GREB1L: variants seen among roughly 807,000 people sequenced by gnomAD.
The protein encoded by GREB1L is GREB1 like retinoic acid receptor coactivator.
Under a neutral mutation model 200.8 loss-of-function variants are expected in GREB1L, and 17 were observed. That is an observed-to-expected ratio of 0.08 (90% CI 0.06 to 0.13). The LOEUF is 0.13. Ranked by LOEUF, GREB1L falls within the 10% of genes least tolerant of loss-of-function variation. GREB1L has a pLI of 1.00. For synonymous variants in GREB1L, 789 were observed against 893.0 expected (o/e 0.88, Z 2.08); for missense variants, 1,657 against 2,367.7 (o/e 0.70, Z 6.23).
intron 1 of GREB1L, among the ~76,000 whole-genome samples, chr18:21,322,839 C>T (rs2038970518): frequency 6.6e-6 from 1 of 151,824 alleles, no homozygotes; most frequent in African/African-American, 2.4e-5. Flanking sequence ...AAAATTAGGC[C>T]CATATTCCAC....
intron 1 of GREB1L, among the ~76,000 whole-genome samples, chr18:21,300,445 ATT>A (rs886128703): frequency 1.2e-4 from 19 of 152,182 alleles, no homozygotes; most frequent in African/African-American, 4.6e-4. Context: ...TTATGCTTCT[ATT>A]TTCTTTTGCT....
intron 7 of GREB1L, among the ~76,000 whole-genome samples, chr18:21,436,672 GT>G (rs1568009597): frequency 4.4e-4 from 23 of 52,234 alleles, no homozygotes; most frequent in African/African-American, 1.0e-3. Flanking sequence ...GTTCAGTGGT[GT>G]GTGTGTGTGT....
chr18:21,499,284 G>A (rs1336508536), intron 21 of GREB1L, among the ~76,000 whole-genome samples: 1 of 152,204 alleles, frequency 6.6e-6, no homozygotes, highest in East Asian at 1.9e-4. Flanking sequence ...CATTTGAGGA[G>A]CGTTTAGTAG....
At chr18:21,454,867 G>A in intron 15 of GREB1L, 1 of 389,164 alleles carries the variant, frequency 2.6e-6, no homozygotes, top group Non-Finnish European at 4.9e-6. Flanking sequence ...TCAAGGCGAG[G>A]ATGGCCCTGC....
chr18:21,393,703 A>G (rs1460397591), intron 4 of GREB1L, among the ~76,000 whole-genome samples: 1 of 152,140 alleles, frequency 6.6e-6, no homozygotes, highest in African/African-American at 2.4e-5. Flanking sequence ...TGCTGAGATT[A>G]CAGGTGCGGG....
chr18:21,305,451 C>G (rs1252958260), intron 1 of GREB1L, among the ~76,000 whole-genome samples: 3 of 152,118 alleles, frequency 2.0e-5, no homozygotes, highest in African/African-American at 7.2e-5. Flanking sequence ...TCTACCTGCT[C>G]TTTTTATTTT....
chr18:21,499,784 G>A lies in GREB1L; in HGVS notation c.3447G>A (p.Lys1149=), dbSNP rs1179372765. Residue 1149 remains lysine, a synonymous_variant, in exon 22 of 33, where the codon AAG becomes AAA. Coordinates refer to ENST00000424526, the MANE Select transcript of GREB1L (RefSeq NM_001142966.3). The part of the protein sequence containing the change: ...SSSSTADKSQ[K]QSLTPSFQSP... ...CCAGCACAGCTGACAAGTCCCAGAA[G>A]CAGTCCCTGACCCCCAGCTTTCAGA... is the stretch of plus-strand genomic sequence containing the variant. 5 of 1,552,072 alleles carry A rather than the reference G, an allele frequency of 3.2e-6. No individual in the cohort carries two copies. Among genetic ancestry groups the A allele is most frequent in the Non-Finnish European group, 4.4e-6 (5 of 1,147,064 alleles).
chr18:21,404,145 G>C (rs1410434485), intron 7 of GREB1L, among the ~76,000 whole-genome samples, 151 bp downstream of exon 7: 1 of 152,206 alleles, frequency 6.6e-6, no homozygotes, highest in African/African-American at 2.4e-5. Flanking sequence ...ATTCAGCCTT[G>C]AGATGGGTTA....
At chr18:21,392,676 A>C (rs989849515) in intron 4 of GREB1L, among the ~76,000 whole-genome samples, 11 of 152,080 alleles carry the variant, frequency 7.2e-5, no homozygotes, top group African/African-American at 2.7e-4. Context: ...CAATTCTATT[A>C]GGCTTGTTTT....
intron 15 of GREB1L, among the ~76,000 whole-genome samples, chr18:21,464,516 C>T (rs1165935157): frequency 6.9e-6 from 1 of 145,040 alleles, no homozygotes; most frequent in Non-Finnish European, 1.5e-5. Flanking sequence ...TGCACTCTAG[C>T]CTGGGGACAG....
chr18:21,416,693 C>CA (rs1366578660), intron 7 of GREB1L, among the ~76,000 whole-genome samples: 11,724 of 114,666 alleles, frequency 0.1, 658 homozygotes, highest in Middle Eastern at 0.19. Context: ...AACTCCATCT[C>CA]AAAAAAAAAA....
At chr18:21,325,373 G>C (rs376182585) in intron 1 of GREB1L, among the ~76,000 whole-genome samples, 194 of 152,140 alleles carry the variant, frequency 1.3e-3, no homozygotes, top group African/African-American at 4.6e-3. Flanking sequence ...ATTTTTTCTT[G>C]TACATCTCTT....
chr18:21,508,295 T>A lies in GREB1L; in HGVS notation c.4530+16T>A. 2 of 1,551,638 alleles carry A rather than the reference T, an allele frequency of 1.3e-6. No individual in the cohort carries two copies. Among genetic ancestry groups the A allele is most frequent in the South Asian group, 2.4e-5 (2 of 84,066 alleles). ...TTCAGACAAGGTGGGTGAGAGCATC[T>A]GGACTGGCAGGCACCAGACCTAGTT... On this transcript the variant is annotated intron_variant, in intron 26 of 32. Coordinates refer to ENST00000424526, the MANE Select transcript of GREB1L (RefSeq NM_001142966.3).
chr18:21,521,319 C>G (rs1445516174), intron 32 of GREB1L, among the ~76,000 whole-genome samples: 1 of 150,748 alleles, frequency 6.6e-6, no homozygotes, highest in African/African-American at 2.4e-5. Context: ...TGCAGTGAGC[C>G]AAGATCACGC....
At chr18:21,415,483 C>A (rs1158551104) in intron 7 of GREB1L, among the ~76,000 whole-genome samples, 1 of 150,624 alleles carries the variant, frequency 6.6e-6, no homozygotes, top group Non-Finnish European at 1.5e-5. Flanking sequence ...GCCTGGGCAG[C>A]GAATGAAACT....
intron 2 of GREB1L, among the ~76,000 whole-genome samples, chr18:21,378,514 C>T (rs2143913043): frequency 6.6e-6 from 1 of 152,272 alleles, no homozygotes; most frequent in South Asian, 2.1e-4. Context: ...GCTGGGACTA[C>T]AGGAGCACAC....
At chr18:21,297,490 G>T (rs715428) in intron 1 of GREB1L, among the ~76,000 whole-genome samples, 30,171 of 152,108 alleles carry the variant, frequency 0.2, 7,156 homozygotes, top group African/African-American at 0.57. Flanking sequence ...CTGAAGATTT[G>T]TGATCAAAGG....
intron 1 of GREB1L, among the ~76,000 whole-genome samples, chr18:21,312,633 A>G (rs1339374622): frequency 1.3e-5 from 2 of 151,898 alleles, no homozygotes; most frequent in African/African-American, 4.8e-5. Context: ...GGCTCACTGC[A>G]ACCTCCGCCT....
rs144099721 is a variant in GREB1L at position 21,263,183 on chromosome 18, G to A, written c.-120+20790G>A. Among the ~76,000 whole-genome samples the A allele has an allele frequency of 2.0e-5, 3 of 152,274 alleles. No homozygotes were observed. The East Asian group carries it at 5.8e-4, about 29-fold the overall frequency. ...GCTGATTTCCTGTGCACTGCCCTTT[G>A]TTTCAGCCAGACAATGGATTGTTCC... is the stretch of plus-strand genomic sequence containing the variant. On this transcript the variant is annotated intron_variant, in intron 1 of 32. Transcript: ENST00000424526.
Sources: allele counts gnomAD v4.1 joint callset (sites outside exome capture counted in the v4.1 genomes callset), GRCh38; gene constraint gnomAD v4.1.1; transcripts MANE v1.5; gene names NCBI Gene and HGNC (gene_info 2026-07-23, HGNC 2026-07-21).